The following NFKB1 variants were observed in gnomAD, a reference collection of about 807,000 sequenced individuals.
NFKB1 encodes nuclear factor kappa B subunit 1, also known as nuclear factor NF-kappa-B p105 subunit.
A neutral mutation model predicts 105.1 loss-of-function variants in NFKB1; 9 were observed. The ratio of observed to expected loss-of-function variants is 0.09; its 90% CI spans 0.05 to 0.15. The LOEUF (loss-of-function observed/expected upper bound fraction) is 0.15, where lower values mean the gene tolerates loss of function less well. Among genes scored for constraint, NFKB1 ranks in the 10% least tolerant of loss-of-function variants. NFKB1 has a pLI of 1.00. For synonymous variants in NFKB1, 440 were observed against 442.2 expected, an observed-to-expected ratio of 1.00 and a Z score of 0.06; for missense variants, 830 against 1,203.7, an observed-to-expected ratio of 0.69 and a Z score of 4.59.
In NFKB1 at chr4:102,607,755, A is replaced by C. The variant is rs751838214; in HGVS notation, c.2227+4A>C. 1 of 1,613,524 alleles carries C rather than the reference A, an allele frequency of 6.2e-7. No homozygotes were observed. Among genetic ancestry groups the C allele is most frequent in the African/African-American group, 1.3e-5 (1 of 75,054 alleles). ...GCAGCTCTTCTCAAAGCAGCAGGTA[A>C]GATGGTGATCTGGCGGTCATTAATG... is the stretch of plus-strand genomic sequence containing the variant. On this transcript the variant is annotated splice_donor_region_variant and intron_variant, in intron 19 of 23. Transcript: ENST00000226574.
intron 6 of NFKB1, among the ~76,000 whole-genome samples, chr4:102,570,442 T>C (rs1399350242): frequency 6.6e-6 from 1 of 152,204 alleles, no homozygotes; most frequent in African/African-American, 2.4e-5. Flanking sequence ...TACCACATTT[T>C]CTTTATTTAT....
chr4:102,505,116 T>C (rs747344655), intron 1 of NFKB1, among the ~76,000 whole-genome samples: 3 of 152,226 alleles, frequency 2.0e-5, no homozygotes, highest in Non-Finnish European at 2.9e-5. Context: ...ATTAATATAC[T>C]GTCTTTTACA....
chr4:102,516,988 C>G (rs1740231261), intron 1 of NFKB1, among the ~76,000 whole-genome samples: 1 of 152,156 alleles, frequency 6.6e-6, no homozygotes, highest in African/African-American at 2.4e-5. Flanking sequence ...TTCAGTGTCT[C>G]TCAGCACTAT....
intron 6 of NFKB1, among the ~76,000 whole-genome samples, chr4:102,576,225 TA>T (rs1002644099): frequency 1.3e-5 from 2 of 152,178 alleles, no homozygotes; most frequent in African/African-American, 4.8e-5. Flanking sequence ...ATTCCAACCT[TA>T]TAGATAACTC....
At chr4:102,563,853 C>T (rs1217663950) in intron 5 of NFKB1, among the ~76,000 whole-genome samples, 1 of 138,492 alleles carries the variant, frequency 7.2e-6, no homozygotes, top group African/African-American at 2.8e-5. Context: ...CGGAGTCTTG[C>T]TCTGTCACCC....
intron 6 of NFKB1, among the ~76,000 whole-genome samples, chr4:102,574,753 G>A (rs912658653): frequency 5.9e-5 from 9 of 152,104 alleles, no homozygotes; most frequent in Non-Finnish European, 1.0e-4. Flanking sequence ...AGATATTTAA[G>A]GTTCAAACCA....
intron 1 of NFKB1, among the ~76,000 whole-genome samples, chr4:102,519,344 A>T (rs979615553): frequency 4.1e-5 from 6 of 147,616 alleles, no homozygotes; most frequent in South Asian, 2.1e-4. Context: ...TATATATATA[A>T]AATATATAGT....
chr4:102,507,202 A>G (rs1392466633), intron 1 of NFKB1, among the ~76,000 whole-genome samples: 1 of 151,986 alleles, frequency 6.6e-6, no homozygotes, highest in East Asian at 1.9e-4. Context: ...TGTTAAAATA[A>G]TAAAATAATC....
At chr4:102,569,129 A>G (rs1019548819) in intron 6 of NFKB1, among the ~76,000 whole-genome samples, 2 of 152,050 alleles carry the variant, frequency 1.3e-5, no homozygotes, top group Non-Finnish European at 1.5e-5. Context: ...TTCATAATTC[A>G]TTTGTTTCTA....
intron 6 of NFKB1, among the ~76,000 whole-genome samples, chr4:102,575,438 AT>A (rs199796867): frequency 2.3e-4 from 34 of 148,964 alleles, no homozygotes; most frequent in South Asian, 6.4e-4. Context: ...TCCTCTACTA[AT>A]TTTTTTTTTC....
chr4:102,507,403 T>C (rs1035195347), intron 1 of NFKB1, among the ~76,000 whole-genome samples: 16 of 152,212 alleles, frequency 1.1e-4, no homozygotes, highest in African/African-American at 3.9e-4. Flanking sequence ...GCATTTCATA[T>C]TGGAAAATAA....
chr4:102,571,244 A>G (rs1724326735), intron 6 of NFKB1, among the ~76,000 whole-genome samples: 2 of 152,216 alleles, frequency 1.3e-5, no homozygotes, highest in Admixed American at 1.3e-4. Context: ...AAGGATTCCT[A>G]TTTAATAAAT....
intron 5 of NFKB1, among the ~76,000 whole-genome samples, chr4:102,545,023 A>T (rs1400567374): frequency 1.3e-5 from 2 of 152,154 alleles, no homozygotes; most frequent in Non-Finnish European, 2.9e-5. Context: ...GTCTGAAGGT[A>T]TAGTGGGGCA....
At chr4:102,589,277 T>C (rs1725979011) in intron 11 of NFKB1, among the ~76,000 whole-genome samples, 1 of 152,238 alleles carries the variant, frequency 6.6e-6, no homozygotes, top group African/African-American at 2.4e-5. Context: ...ATAAATAAGT[T>C]GCCTGCTTCC....
At chr4:102,504,879 A>AT (rs1392173023) in intron 1 of NFKB1, among the ~76,000 whole-genome samples, 2 of 152,142 alleles carry the variant, frequency 1.3e-5, no homozygotes, top group African/African-American at 2.4e-5. Context: ...TTGACTGTGA[A>AT]TTTTTTTAAT....
intron 6 of NFKB1, 110 bp from the exon 7 acceptor site, chr4:102,576,766 T>G: frequency 8.8e-7 from 1 of 1,136,692 alleles, no homozygotes; most frequent in Non-Finnish European, 1.3e-6. Flanking sequence ...GTATAAAGCA[T>G]TGAGGGCCTG....
At chr4:102,563,008 C>T (rs1214401181) in intron 5 of NFKB1, among the ~76,000 whole-genome samples, 1 of 152,156 alleles carries the variant, frequency 6.6e-6, no homozygotes, top group African/African-American at 2.4e-5. Flanking sequence ...GCTGAATTTA[C>T]CCAAAGAGCA....
At chr4:102,510,903 A>G in intron 1 of NFKB1, 1 of 1,282,214 alleles carries the variant, frequency 7.8e-7, no homozygotes, top group Non-Finnish European at 1.0e-6. Flanking sequence ...TCCTACATCA[A>G]GAAAAAAGAC....
chr4:102,551,367 T>TGTGTGTGTGTGTGTGCGC lies in NFKB1; in HGVS notation c.258+13412_258+13413insTGTGTGTGTGTGTGCGCG, dbSNP rs370790173. On this transcript the variant is annotated intron_variant, in intron 5 of 23. Transcript: ENST00000226574. ...AAATTGGTGTGTGTGTGTGTGTGTG[T>TGTGTGTGTGTGTGTGCGC]GCGCGCGCGCATGTGTGTGTGTGTG... is the stretch of plus-strand genomic sequence containing the variant. Among the ~76,000 whole-genome samples, 497 of 150,186 alleles carry TGTGTGTGTGTGTGTGCGC rather than the reference T, an allele frequency of 3.3e-3. 2 individuals carry two copies. Among genetic ancestry groups the TGTGTGTGTGTGTGTGCGC allele is most frequent in the African/African-American group, 0.012 (473 of 40,942 alleles).
Sources: gnomAD v4.1 joint callset for allele counts (sites outside exome capture counted in the v4.1 genomes callset) on GRCh38, gnomAD v4.1.1 for gene constraint, MANE v1.5 for transcripts, NCBI Gene and HGNC (gene_info 2026-07-23, HGNC 2026-07-21) for gene names.